The following LRRC7 variants were observed in gnomAD, a reference collection of about 807,000 sequenced individuals.
The protein encoded by LRRC7 is leucine rich repeat containing 7.
A neutral mutation model predicts 175.7 loss-of-function variants in LRRC7; 23 were observed. The observed-to-expected ratio is 0.13, with a 90% CI of 0.09 to 0.19. LRRC7 has a LOEUF of 0.19. Ranked by LOEUF, LRRC7 falls within the 10% of genes least tolerant of loss-of-function variation. The pLI is 1.00. For missense variants in LRRC7, 1,354 were observed against 1,904.7 expected (o/e 0.71, Z 5.38); for synonymous variants, 685 against 680.9 (o/e 1.01, Z -0.09).
chr1:70,000,465 G>A lies in LRRC7; in HGVS notation c.1004+5832G>A, dbSNP rs114518737. On this transcript the variant is annotated intron_variant, in intron 11 of 26. Coordinates refer to ENST00000651989, the MANE Select transcript of LRRC7 (RefSeq NM_001370785.2). ...GTACATACATCTGTAATGGTCACAC[G>A]GTGATGAAATTACCTAATGATATAT... Among the ~76,000 whole-genome samples, 522 of 152,150 alleles carry A rather than the reference G, an allele frequency of 3.4e-3. 3 individuals carry two copies. The highest frequency in any genetic ancestry group is 0.012 in the African/African-American group (482 of 41,532).
chr1:69,907,964 T>G (rs1293574650), intron 7 of LRRC7, among the ~76,000 whole-genome samples: 2 of 152,216 alleles, frequency 1.3e-5, no homozygotes, highest in African/African-American at 4.8e-5. Context: ...ATTCAGAGAT[T>G]CAACTTCTTC....
chr1:70,140,023 A>G lies in LRRC7; in HGVS notation c.*18136A>G, dbSNP rs1667005024. On this transcript the variant is annotated 3_prime_UTR_variant, in exon 27 of 27. Transcript: ENST00000651989. ...CCTTATTGGGGGAAGGGAGGCATAG[A>G]TTTGCAAATGGTGGGTTTTTTCGTT... The G allele has an allele frequency of 6.6e-6, 1 of 152,040 alleles. No individual in the cohort carries two copies. Among genetic ancestry groups the G allele is most frequent in the African/African-American group, 2.4e-5 (1 of 41,396 alleles). The allele number at this position is 152,040 out of a possible 1,614,324, so 9.4% of individuals were successfully genotyped here.
chr1:69,808,047 C>T (rs927803759), intron 4 of LRRC7, among the ~76,000 whole-genome samples: 6 of 151,368 alleles, frequency 4.0e-5, no homozygotes, highest in African/African-American at 1.2e-4. Flanking sequence ...TTCATTAAGT[C>T]GATCTTCAAT....
In LRRC7 at chr1:69,879,212, TAAAAA is replaced by T. The variant is rs201332183; in HGVS notation, c.647+40949_647+40953del. On this transcript the variant is annotated intron_variant, in intron 7 of 26. Transcript: ENST00000651989. ...TTTTGCTGTAAACCTAAAACTGCTT[TAAAAA>T]AAAAAAAAAAAAAAAAAAAGACTGC... Among the ~76,000 whole-genome samples the T allele has an allele frequency of 5.7e-3, 520 of 91,984 alleles. 12 individuals carry two copies. Among genetic ancestry groups the T allele is most frequent in the African/African-American group, 0.025 (480 of 19,210 alleles). 60.3% of individuals were successfully genotyped at this position (91,984 alleles called of 152,430 possible). A position where few individuals can be genotyped will look rare whatever the true frequency, so the allele number is the denominator to read the frequency against.
At chr1:69,734,492 T>C (rs1025803918) in intron 2 of LRRC7, among the ~76,000 whole-genome samples, 36 of 152,084 alleles carry the variant, frequency 2.4e-4, no homozygotes, top group African/African-American at 8.4e-4. Context: ...ATAAACAATA[T>C]GAACTTCTTA....
At chr1:69,781,940 GAGA>G (rs1398003189) in intron 3 of LRRC7, among the ~76,000 whole-genome samples, 1 of 106,602 alleles carries the variant, frequency 9.4e-6, no homozygotes, top group East Asian at 3.3e-4. Context: ...AAGAAAGAAA[GAGA>G]AAAGAAAAGA....
intron 7 of LRRC7, among the ~76,000 whole-genome samples, chr1:69,869,896 T>A (rs1685344884): frequency 6.6e-6 from 1 of 152,152 alleles, no homozygotes; most frequent in Admixed American, 6.6e-5. Context: ...AAGCATGGCA[T>A]GTGTATGATA....
intron 1 of LRRC7, among the ~76,000 whole-genome samples, chr1:69,611,799 TA>T (rs1343816502): frequency 6.6e-6 from 1 of 152,064 alleles, no homozygotes; most frequent in East Asian, 1.9e-4. Flanking sequence ...AATGTGGCAC[TA>T]AAGATCTCAA....
At chr1:69,920,554 C>A (rs1036986347) in intron 7 of LRRC7, among the ~76,000 whole-genome samples, 3 of 151,726 alleles carry the variant, frequency 2.0e-5, no homozygotes, top group Non-Finnish European at 4.4e-5. Context: ...CTCATTTTTT[C>A]TTTTAATAAA....
intron 7 of LRRC7, among the ~76,000 whole-genome samples, chr1:69,886,714 G>T (rs962447450): frequency 6.7e-6 from 1 of 149,960 alleles, no homozygotes; most frequent in South Asian, 2.2e-4. Context: ...TCCTAGTCTC[G>T]ATGGTCTTTA....
intron 7 of LRRC7, among the ~76,000 whole-genome samples, chr1:69,865,912 G>A (rs1684905218): frequency 6.6e-6 from 1 of 152,146 alleles, no homozygotes; most frequent in Non-Finnish European, 1.5e-5. Context: ...CTCCCTAGGT[G>A]TCTCTGCCAA....
chr1:69,753,283 C>CAT (rs1553151102), intron 2 of LRRC7, among the ~76,000 whole-genome samples: 4 of 131,138 alleles, frequency 3.1e-5, no homozygotes, highest in Admixed American at 2.3e-4. Flanking sequence ...AAATCATTGT[C>CAT]GTGTGTGTGT....
intron 10 of LRRC7, among the ~76,000 whole-genome samples, chr1:69,988,372 C>T (rs1213474055): frequency 6.6e-6 from 1 of 151,836 alleles, no homozygotes; most frequent in Non-Finnish European, 1.5e-5. Flanking sequence ...GAATTCGAGT[C>T]CACCCTAGGC....
intron 1 of LRRC7, among the ~76,000 whole-genome samples, chr1:69,579,815 G>A (rs61782209): frequency 9.2e-6 from 1 of 109,142 alleles, no homozygotes; most frequent in African/African-American, 3.8e-5. Context: ...TTTTTTTTTG[G>A]TAGAGCCAGC....
chr1:70,084,069 T>C (rs921855933), intron 24 of LRRC7, among the ~76,000 whole-genome samples: 3 of 152,226 alleles, frequency 2.0e-5, no homozygotes, highest in African/African-American at 2.4e-5. Flanking sequence ...AAATCCTTAC[T>C]ATGGTATAGT....
intron 3 of LRRC7, among the ~76,000 whole-genome samples, chr1:69,785,045 A>G (rs1674244726): frequency 6.6e-6 from 1 of 152,102 alleles, no homozygotes. Flanking sequence ...TCAGTGTTCT[A>G]TATGTGTCCT....
intron 22 of LRRC7, among the ~76,000 whole-genome samples, chr1:70,050,647 G>T (rs1401436656): frequency 6.6e-6 from 1 of 152,002 alleles, no homozygotes; most frequent in African/African-American, 2.4e-5. Flanking sequence ...AATTTCAACA[G>T]TGATAGCTTC....
At chr1:69,730,917 C>T (rs112027533) in intron 2 of LRRC7, among the ~76,000 whole-genome samples, 7 of 152,076 alleles carry the variant, frequency 4.6e-5, no homozygotes, top group African/African-American at 1.7e-4. Context: ...AGAAAACTTA[C>T]AATCATAACA....
chr1:69,681,527 T>C (rs1184781893), intron 2 of LRRC7, among the ~76,000 whole-genome samples: 1 of 152,162 alleles, frequency 6.6e-6, no homozygotes, highest in Non-Finnish European at 1.5e-5. Context: ...TAATGGGAAT[T>C]ATATCTACCT....
Sources: allele counts gnomAD v4.1 joint callset (sites outside exome capture counted in the v4.1 genomes callset), GRCh38; gene constraint gnomAD v4.1.1; transcripts MANE v1.5; gene names NCBI Gene and HGNC (gene_info 2026-07-23, HGNC 2026-07-21).